Variants in MAST4 observed in about 807,000 individuals in gnomAD.
MAST4 encodes the protein microtubule associated serine/threonine kinase family member 4.
MAST4 carries 89 observed loss-of-function variants against 162.7 expected under a neutral mutation model. The observed-to-expected ratio is 0.55, with a 90% CI of 0.46 to 0.65. MAST4 has a LOEUF of 0.65. Ranked by LOEUF, MAST4 falls within the 30% of genes least tolerant of loss-of-function variation. The pLI is 0.00. For synonymous variants in MAST4, 1,479 were observed against 1,361.1 expected (o/e 1.09, Z -1.91); for missense variants, 3,153 against 3,374.0 (o/e 0.93, Z 1.62).
rs542400078 is a variant in MAST4, at chr5:66,713,585, C to T, written c.364-46124C>T. 3.9e-5 allele frequency among the ~76,000 whole-genome samples: 6 copies of T among 152,282 alleles called. No individual in the cohort carries two copies. The East Asian group carries it at 5.8e-4, about 15-fold the overall frequency. ...GGGCTTGTTTACCCTCCTCCATTTC[C>T]GTTGCATTTCTTCTTCAATTGAATC... On this transcript the variant is annotated intron_variant, in intron 1 of 28. Transcript: ENST00000403625.
chr5:66,771,965 G>C (rs1754378867), intron 2 of MAST4, among the ~76,000 whole-genome samples: 1 of 152,148 alleles, frequency 6.6e-6, no homozygotes, highest in South Asian at 2.1e-4. Flanking sequence ...GTTCTGAAAA[G>C]CACACTGATC....
At chr5:67,015,820 C>G (rs1753223629) in intron 4 of MAST4, among the ~76,000 whole-genome samples, 1 of 152,210 alleles carries the variant, frequency 6.6e-6, no homozygotes, top group South Asian at 2.1e-4. Context: ...ATGCATCTCT[C>G]TGTGACCCTT....
intron 1 of MAST4, among the ~76,000 whole-genome samples, chr5:66,638,002 C>CT (rs1318811654): frequency 6.6e-6 from 1 of 152,196 alleles, no homozygotes; most frequent in Non-Finnish European, 1.5e-5. Flanking sequence ...CATGCCGAGC[C>CT]TTTTGATATA....
At chr5:66,759,573 A>G in intron 1 of MAST4, 136 bp from the exon 2 acceptor site, 1 of 1,084,574 alleles carries the variant, frequency 9.2e-7, no homozygotes, top group Non-Finnish European at 1.3e-6. Flanking sequence ...TCTCTAACGT[A>G]GCAAAATTGA....
At chr5:66,914,626 G>A (rs1763985875) in intron 4 of MAST4, among the ~76,000 whole-genome samples, 1 of 152,112 alleles carries the variant, frequency 6.6e-6, no homozygotes, top group Admixed American at 6.6e-5. Context: ...TTGTGATGCA[G>A]GGGACTCAGA....
At chr5:66,790,601 G>T (rs909462771) in intron 3 of MAST4, among the ~76,000 whole-genome samples, 3 of 152,174 alleles carry the variant, frequency 2.0e-5, no homozygotes, top group African/African-American at 7.2e-5. Flanking sequence ...CTGGAATACA[G>T]TGGCACCATC....
At chr5:67,098,612 C>G (rs1318628998) in intron 7 of MAST4, among the ~76,000 whole-genome samples, 6 of 152,038 alleles carry the variant, frequency 3.9e-5, no homozygotes, top group Admixed American at 1.3e-4. Flanking sequence ...AAATGGTTAC[C>G]TGGAGAGACT....
chr5:67,078,805 T>C (rs1372046097), intron 5 of MAST4, among the ~76,000 whole-genome samples: 1 of 126,808 alleles, frequency 7.9e-6, no homozygotes, highest in Non-Finnish European at 1.6e-5. Context: ...TATATTTATT[T>C]ATATTTATAT....
At chr5:66,828,637 GCT>G in intron 3 of MAST4, 1 of 619,294 alleles carries the variant, frequency 1.6e-6, no homozygotes, top group Admixed American at 2.8e-5. Flanking sequence ...CCCACTTGCT[GCT>G]CTCTCCCACC....
intron 3 of MAST4, among the ~76,000 whole-genome samples, chr5:66,857,790 T>C (rs762146510): frequency 2.2e-4 from 33 of 152,200 alleles, no homozygotes; most frequent in Non-Finnish European, 3.8e-4. Context: ...TTCAGTCTGC[T>C]GTTTTCTTTA....
At chr5:66,845,793 C>T (rs1408919187) in intron 3 of MAST4, among the ~76,000 whole-genome samples, 1 of 151,960 alleles carries the variant, frequency 6.6e-6, no homozygotes, top group Non-Finnish European at 1.5e-5. Context: ...CTGATAAGGT[C>T]ACTAATCTTT....
intron 1 of MAST4, among the ~76,000 whole-genome samples, chr5:66,650,999 G>A (rs1268803359): frequency 6.6e-6 from 1 of 152,170 alleles, no homozygotes; most frequent in Non-Finnish European, 1.5e-5. Context: ...GCTACATGGA[G>A]GGTGAAGAAT....
intron 4 of MAST4, among the ~76,000 whole-genome samples, chr5:67,050,334 C>A (rs1013304488): frequency 2.6e-5 from 4 of 152,190 alleles, no homozygotes; most frequent in African/African-American, 9.7e-5. Flanking sequence ...AAAACACTTC[C>A]TGGTGGTGAC....
intron 1 of MAST4, among the ~76,000 whole-genome samples, chr5:66,664,040 T>C (rs1747080307): frequency 6.6e-6 from 1 of 152,058 alleles, no homozygotes; most frequent in South Asian, 2.1e-4. Flanking sequence ...ACTGGATGTG[T>C]AGGGTGTAAG....
At chr5:66,854,738 A>G (rs72761267) in intron 3 of MAST4, among the ~76,000 whole-genome samples, 36,910 of 151,894 alleles carry the variant, frequency 0.24, 5,817 homozygotes, top group Non-Finnish European at 0.36. Context: ...ACTAAATCCC[A>G]TACTCAAGGA....
At chr5:67,135,934 A>T (rs1404476353) in intron 18 of MAST4, among the ~76,000 whole-genome samples, 2 of 152,226 alleles carry the variant, frequency 1.3e-5, no homozygotes, top group African/African-American at 4.8e-5. Context: ...ATGAGAAAGT[A>T]TTCTTAATAT....
rs1317537648 is a variant in MAST4, at chr5:66,963,178, A to AATAT, written c.674+63199_674+63202dup. ...ATAATTTTTGAAATTATTTATTTTG[A>AATAT]ATATATGCATAGGAACACTTTTTAT... is the stretch of plus-strand genomic sequence containing the variant. On this transcript the variant is annotated intron_variant, in intron 4 of 28. Transcript: ENST00000403625. 3.3e-5 allele frequency among the ~76,000 whole-genome samples: 5 copies of AATAT among 152,210 alleles called. 1 individual carries two copies. Among genetic ancestry groups the AATAT allele is most frequent in the Admixed American group, 3.3e-4 (5 of 15,282 alleles).
chr5:66,883,759 A>T (rs1249043342), intron 3 of MAST4, among the ~76,000 whole-genome samples: 1 of 151,670 alleles, frequency 6.6e-6, no homozygotes, highest in Non-Finnish European at 1.5e-5. Context: ...AACACTCCTT[A>T]TTTTCTGGGT....
intron 3 of MAST4, among the ~76,000 whole-genome samples, chr5:66,880,760 G>T (rs575281855): frequency 6.0e-4 from 91 of 152,274 alleles, no homozygotes; most frequent in African/African-American, 2.1e-3. Flanking sequence ...GTGATGCTTT[G>T]TATAAGGTAT....
Sources: gnomAD v4.1 joint callset for allele counts (sites outside exome capture counted in the v4.1 genomes callset) on GRCh38, gnomAD v4.1.1 for gene constraint, MANE v1.5 for transcripts, NCBI Gene and HGNC (gene_info 2026-07-23, HGNC 2026-07-21) for gene names.